Variants in DUOX1 observed in about 807,000 individuals in gnomAD.
DUOX1 encodes the protein NADPH thyroid oxidase 1.
Under a neutral mutation model 181.8 loss-of-function variants are expected in DUOX1, and 134 were observed. The ratio of observed to expected loss-of-function variants is 0.74; its 90% CI spans 0.64 to 0.85. The LOEUF is 0.85. Ranked by LOEUF, DUOX1 falls within the 40% of genes least tolerant of loss-of-function variation. The pLI is 0.00. For synonymous variants in DUOX1, 798 were observed against 832.5 expected (o/e 0.96, Z 0.71); for missense variants, 1,814 against 2,064.4 (o/e 0.88, Z 2.35).
intron 29 of DUOX1, among the ~76,000 whole-genome samples, chr15:45,161,251 CA>C (rs112900167): frequency 6.8e-5 from 10 of 147,102 alleles, no homozygotes; most frequent in Non-Finnish European, 3.0e-5. Flanking sequence ...GTCTCTACCA[CA>C]AAAAAAAAAT....
chr15:45,164,693 A>G, intron 33 of DUOX1, 86 bp from the exon 34 acceptor site: 3 of 1,500,562 alleles, frequency 2.0e-6, no homozygotes, highest in Non-Finnish European at 2.8e-6. Flanking sequence ...CTGGTCTTGA[A>G]CTAGGGAGCT....
rs200102941 is a variant in DUOX1 at position 45,147,454 on chromosome 15, G to A, written c.2344G>A (p.Asp782Asn). ...FSQVLDINQADAGTLPLDSSQ... is the reference protein window; with the variant it reads ...FSQVLDINQANAGTLPLDSSQ... ...GCAGGTGCTGGACATCAACCAGGCCGACGCAGGGACCCTGCCCCTGGACTC... is the reference window on the plus strand; with the variant it reads ...GCAGGTGCTGGACATCAACCAGGCCAACGCAGGGACCCTGCCCCTGGACTC... The change falls in exon 19 of 34, where the codon GAC becomes AAC. Residue 782 changes from aspartate (D) to asparagine (N), a missense_variant. Asp to Asn is a conservative substitution (Grantham distance 23, BLOSUM62 1). This residue lies in a region of DUOX1 where 1,064 missense variants were observed against 1,152.9 expected (regional missense o/e 0.92). Coordinates refer to ENST00000389037, the MANE Select transcript of DUOX1 (RefSeq NM_175940.3). 1.2e-5 allele frequency: 20 copies of A among 1,613,684 alleles called. No individual in the cohort carries two copies. Among genetic ancestry groups the A allele is most frequent in the South Asian group, 5.5e-5 (5 of 90,968 alleles).
rs1282401955 is a variant in DUOX1 at position 45,147,458 on chromosome 15, C to G, written c.2348C>G (p.Ala783Gly). 3 of 1,613,806 alleles carry G rather than the reference C, an allele frequency of 1.9e-6. No homozygotes were observed. Among genetic ancestry groups the G allele is most frequent in the African/African-American group, 2.7e-5 (2 of 74,932 alleles). The change falls in exon 19 of 34, where the codon GCA becomes GGA. Residue 783 changes from alanine (A) to glycine (G), a missense_variant. This residue lies in a region of DUOX1 where 1,064 missense variants were observed against 1,152.9 expected (regional missense o/e 0.92). Transcript: ENST00000389037. ...SQVLDINQADAGTLPLDSSQK... is the reference protein window; with the variant it reads ...SQVLDINQADGGTLPLDSSQK... ...GTGCTGGACATCAACCAGGCCGACG[C>G]AGGGACCCTGCCCCTGGACTCCTCC...
At position 45,135,588 on chromosome 15, in the gene DUOX1, G is replaced by A; in HGVS notation, c.610G>A (p.Ala204Thr). 3.8e-6 allele frequency: 6 copies of A among 1,563,930 alleles called. No homozygotes were observed. The highest frequency in any genetic ancestry group is 5.2e-6 in the Non-Finnish European group (6 of 1,155,430). ...RGQLASGPDP[A>T]FPRDSQNPLL... ...ACAGCTGGCGTCGGGGCCCGACCCC[G>A]CTTTTCCCCGAGACTCGCAGAACCC... Residue 204 changes from alanine to threonine, a missense_variant, in exon 6 of 34, where the codon GCT (alanine) becomes ACT (threonine). Physicochemically the swap from Ala to Thr is moderately conservative, Grantham distance 58 (BLOSUM62 0). Coordinates refer to ENST00000389037, the MANE Select transcript of DUOX1 (RefSeq NM_175940.3).
rs1332571961 is a variant in DUOX1 at position 45,141,169 on chromosome 15, C to G, written c.1565+99C>G. On this transcript the variant is annotated intron_variant, in intron 13 of 33. Transcript: ENST00000389037. ...GCCCCCATGAGCCCTTGATTCCAAG[C>G]CAGCCCACCACCCACTTCCCAACAC... The G allele has an allele frequency of 1.9e-6, 3 of 1,567,928 alleles. No individual in the cohort carries two copies. The African/African-American group carries it at 4.1e-5, about 21-fold the overall frequency.
At chr15:45,137,782 G>A in intron 9 of DUOX1, 142 bp from the exon 10 acceptor site, 1 of 571,694 alleles carries the variant, frequency 1.7e-6, no homozygotes, top group East Asian at 2.9e-5. Context: ...GACCCTCCAG[G>A]ATGTGCTAAG....
At chr15:45,142,690 A>G (rs1262325173) in intron 15 of DUOX1, among the ~76,000 whole-genome samples, 1 of 151,904 alleles carries the variant, frequency 6.6e-6, no homozygotes, top group Non-Finnish European at 1.5e-5. Context: ...GCGCCATTGC[A>G]CTCCAGCCTG....
At position 45,135,882 on chromosome 15, in the gene DUOX1, G is replaced by A. The variant is rs1453281753; in HGVS notation, c.798G>A (p.Gln266=). The A allele has an allele frequency of 2.1e-6, 3 of 1,443,564 alleles. No individual in the cohort carries two copies. The Admixed American group carries it at 6.2e-5, about 30-fold the overall frequency. The allele number at this position is 1,443,564 out of a possible 1,614,324, so 89.4% of individuals were successfully genotyped here. The stretch of plus-strand genomic sequence containing the variant: ...TGTGGGCGCAGAGGCTGGCCCGCCA[G>A]CACCCAGACTGGGAGGACGAGGAGC... The part of the protein sequence containing the change: ...HNLWAQRLAR[Q]HPDWEDEELF... The change falls in exon 7 of 34, where the codon CAG becomes CAA. Residue 266 remains glutamine, a synonymous_variant. Transcript: ENST00000389037.
At chr15:45,148,110 C>T (rs1003880341) in intron 20 of DUOX1, 113 bp downstream of exon 20, 7 of 1,422,224 alleles carry the variant, frequency 4.9e-6, no homozygotes, top group Non-Finnish European at 5.9e-6. Context: ...CCTCCTTACC[C>T]ATGTAACCAG....
rs141897243 is a variant in DUOX1, at chr15:45,137,292, G to A, written c.1023-632G>A. 1.4e-3 allele frequency among the ~76,000 whole-genome samples: 204 copies of A among 147,934 alleles called. 2 individuals are homozygous for A. In the East Asian group the frequency reaches 0.03, roughly 22 times the overall value. On this transcript the variant is annotated intron_variant, in intron 9 of 33. Coordinates refer to ENST00000389037, the MANE Select transcript of DUOX1 (RefSeq NM_175940.3). Reference sequence around the variant, plus strand: ...GAAGAATCGCTTGAACCCAGAAGGCGGAGGTTGCGGTGAGCCAAGATCGTG... The same window carrying A: ...GAAGAATCGCTTGAACCCAGAAGGCAGAGGTTGCGGTGAGCCAAGATCGTG...
intron 28 of DUOX1, among the ~76,000 whole-genome samples, chr15:45,160,423 G>A (rs543474543): frequency 2.0e-4 from 30 of 152,306 alleles, no homozygotes; most frequent in African/African-American, 7.0e-4. Flanking sequence ...GTACTTGTGA[G>A]GCCTTGTAGT....
At chr15:45,157,358 A>G (rs117511262) in intron 28 of DUOX1, among the ~76,000 whole-genome samples, 3 of 152,246 alleles carry the variant, frequency 2.0e-5, no homozygotes, top group East Asian at 3.9e-4. Context: ...GGGGGTGGAA[A>G]TGACGTTCTT....
intron 21 of DUOX1, 25 bp downstream of exon 21, chr15:45,148,472 T>A (rs1446529638): frequency 6.3e-7 from 1 of 1,598,478 alleles, no homozygotes; most frequent in Non-Finnish European, 8.5e-7. Context: ...TAGGCAGCAC[T>A]GACTCATTGG....
At chr15:45,159,246 A>G (rs1334362604) in intron 28 of DUOX1, among the ~76,000 whole-genome samples, 1 of 152,258 alleles carries the variant, frequency 6.6e-6, no homozygotes, top group Non-Finnish European at 1.5e-5. Context: ...CTGAGAGGCC[A>G]TGCCACATGG....
Position 45,151,966 on chromosome 15 carries a change from G to A in DUOX1, c.3107G>A (p.Arg1036His), listed in dbSNP as rs143128696. 4.1e-5 allele frequency: 66 copies of A among 1,613,920 alleles called. No homozygotes were observed. The highest frequency in any genetic ancestry group is 3.3e-4 in the East Asian group (15 of 44,864). ...CLHQTVQQFK[R>H]FIENYRRHIG... is the part of the protein sequence containing the mutation. ...CACCAGACGGTGCAACAGTTCAAGC[G>A]CTTCATTGAGAACTACCGGCGCCAC... Residue 1036 changes from arginine to histidine, a missense_variant, in exon 24 of 34, where the codon CGC (arginine) becomes CAC (histidine). By Grantham distance (29) the Arg-to-His change is conservative. Around this residue, in one of 5 missense-constraint regions of DUOX1, gnomAD observed 1,064 missense variants for 1,152.9 expected, o/e 0.92. Coordinates refer to ENST00000389037, the MANE Select transcript of DUOX1 (RefSeq NM_175940.3).
At chr15:45,141,751 CGTGTGT>C (rs5812287) in intron 14 of DUOX1, among the ~76,000 whole-genome samples, 8,094 of 147,996 alleles carry the variant, frequency 0.055, 674 homozygotes, top group African/African-American at 0.18. Context: ...GTGAGGGAAG[CGTGTGT>C]GTGTGTGTGT....
chr15:45,136,509 C>A lies in DUOX1; in HGVS notation c.926-20C>A. 1 of 1,614,144 alleles carries A rather than the reference C, an allele frequency of 6.2e-7. No homozygotes were observed. Among genetic ancestry groups the A allele is most frequent in the East Asian group, 2.2e-5 (1 of 44,882 alleles). On this transcript the variant is annotated intron_variant, in intron 8 of 33. Transcript: ENST00000389037. ...TTTTAGGGCTAAATTCTTCTGTCCT[C>A]TCTTCTCCTATTTCCCCAGGATACC...
At chr15:45,146,486 G>A (rs751782496) in intron 18 of DUOX1, among the ~76,000 whole-genome samples, 8 of 152,156 alleles carry the variant, frequency 5.3e-5, no homozygotes, top group Non-Finnish European at 1.0e-4. Flanking sequence ...ATATATCCTG[G>A]GGGTGGCTGT....
chr15:45,139,032 A>G (rs1476476537), intron 10 of DUOX1, 34 bp from the exon 11 acceptor site: 1 of 1,595,936 alleles, frequency 6.3e-7, no homozygotes, highest in South Asian at 1.1e-5. Flanking sequence ...CCCATTAACC[A>G]CACCCCTTTC....
Sources: allele counts gnomAD v4.1 joint callset (sites outside exome capture counted in the v4.1 genomes callset), GRCh38; gene constraint gnomAD v4.1.1; regional missense constraint gnomAD v4.1.1; transcripts MANE v1.5; gene names NCBI Gene and HGNC (gene_info 2026-07-23, HGNC 2026-07-21).